Variants in CNTNAP5 observed in about 807,000 individuals in gnomAD.
CNTNAP5 encodes the protein contactin-associated protein-like 5.
In CNTNAP5, 72 loss-of-function variants were observed where a neutral mutation model predicts 150.2. The ratio of observed to expected loss-of-function variants is 0.48; its 90% CI spans 0.40 to 0.58. The LOEUF (loss-of-function observed/expected upper bound fraction) is 0.58, where lower values mean the gene tolerates loss of function less well. CNTNAP5 is among the 20% of genes least tolerant of loss of function. CNTNAP5 has a pLI of 0.00. For synonymous variants in CNTNAP5, 672 were observed against 619.8 expected (o/e 1.08, Z -1.25); for missense variants, 1,636 against 1,626.2 (o/e 1.01, Z -0.10).
chr2:124,265,406 T>C (rs949090247), intron 3 of CNTNAP5, among the ~76,000 whole-genome samples: 5 of 152,122 alleles, frequency 3.3e-5, no homozygotes, highest in Non-Finnish European at 5.9e-5. Flanking sequence ...AATGGGGTCA[T>C]TATCGCCCCT....
At chr2:124,159,765 C>G (rs1400559924) in intron 1 of CNTNAP5, among the ~76,000 whole-genome samples, 1 of 152,080 alleles carries the variant, frequency 6.6e-6, no homozygotes, top group Non-Finnish European at 1.5e-5. Context: ...TGAATACACT[C>G]AATTCTGAAG....
At chr2:124,167,059 G>T (rs866029435) in intron 1 of CNTNAP5, among the ~76,000 whole-genome samples, 3 of 151,668 alleles carry the variant, frequency 2.0e-5, no homozygotes, top group African/African-American at 2.4e-5. Flanking sequence ...TTGTCCTGTC[G>T]TCTTCTCTAA....
intron 13 of CNTNAP5, among the ~76,000 whole-genome samples, chr2:124,736,114 C>A (rs1352793264): frequency 2.0e-5 from 3 of 152,176 alleles, no homozygotes; most frequent in South Asian, 2.1e-4. Context: ...CCTGTAATCC[C>A]AGCTATTCGA....
chr2:124,079,678 A>C (rs530755567), intron 1 of CNTNAP5, among the ~76,000 whole-genome samples: 4 of 152,244 alleles, frequency 2.6e-5, no homozygotes, highest in African/African-American at 9.6e-5. Context: ...CAAAGGAAAA[A>C]ATGTTTATTC....
intron 13 of CNTNAP5, among the ~76,000 whole-genome samples, chr2:124,676,511 C>T (rs994833749): frequency 2.6e-5 from 4 of 152,230 alleles, no homozygotes; most frequent in African/African-American, 9.6e-5. Context: ...AAGATTTCAA[C>T]AAATGCTATG....
chr2:124,444,259 C>T (rs1692749965), intron 5 of CNTNAP5, among the ~76,000 whole-genome samples: 1 of 152,034 alleles, frequency 6.6e-6, no homozygotes, highest in African/African-American at 2.4e-5. Flanking sequence ...GTCTTACCTT[C>T]TAATCCAATT....
At chr2:124,821,437 A>T (rs1682489862) in intron 19 of CNTNAP5, among the ~76,000 whole-genome samples, 3 of 152,270 alleles carry the variant, frequency 2.0e-5, no homozygotes, top group South Asian at 2.1e-4. Context: ...CACTTTCAGA[A>T]TTTCTGATTT....
chr2:124,907,770 T>C (rs1412546331), intron 22 of CNTNAP5, among the ~76,000 whole-genome samples: 1 of 150,746 alleles, frequency 6.6e-6, no homozygotes, highest in African/African-American at 2.4e-5. Context: ...ACCCCAAGGG[T>C]TACTTTGCCG....
At chr2:124,784,173 G>A (rs578230183) in intron 17 of CNTNAP5, among the ~76,000 whole-genome samples, 1 of 152,270 alleles carries the variant, frequency 6.6e-6, no homozygotes, top group Admixed American at 6.5e-5. Context: ...AGGTGGGAGG[G>A]AAGAAGGGAG....
At chr2:124,066,322 C>A (rs766119692) in intron 1 of CNTNAP5, among the ~76,000 whole-genome samples, 1 of 152,144 alleles carries the variant, frequency 6.6e-6, no homozygotes, top group Non-Finnish European at 1.5e-5. Flanking sequence ...TGAAAAAGAT[C>A]ATATTTTCTT....
intron 2 of CNTNAP5, among the ~76,000 whole-genome samples, chr2:124,230,391 A>G (rs1043911281): frequency 6.6e-6 from 1 of 151,832 alleles, no homozygotes; most frequent in Non-Finnish European, 1.5e-5. Flanking sequence ...CAACACTACA[A>G]CGTCTGCTCT....
At chr2:124,621,540 A>G (rs902063816) in intron 12 of CNTNAP5, among the ~76,000 whole-genome samples, 1 of 152,220 alleles carries the variant, frequency 6.6e-6, no homozygotes, top group Non-Finnish European at 1.5e-5. Context: ...TGGAGTAGGT[A>G]GAAAGCTGCA....
At chr2:124,746,244 C>A (rs1003629636) in intron 13 of CNTNAP5, among the ~76,000 whole-genome samples, 2 of 152,172 alleles carry the variant, frequency 1.3e-5, no homozygotes, top group African/African-American at 4.8e-5. Context: ...TTTCATCTGC[C>A]TGTCTTGTTT....
chr2:124,705,769 T>TA (rs564061672), intron 13 of CNTNAP5, among the ~76,000 whole-genome samples: 6,656 of 134,034 alleles, frequency 0.05, 475 homozygotes, highest in African/African-American at 0.16. Flanking sequence ...ATAGGAAAAG[T>TA]AAAAAAAAAA....
chr2:124,262,549 T>A (rs1324727409), intron 3 of CNTNAP5, among the ~76,000 whole-genome samples: 1 of 152,114 alleles, frequency 6.6e-6, no homozygotes, highest in Non-Finnish European at 1.5e-5. Context: ...TACTTCTAAA[T>A]GCTAGTCAGA....
At chr2:124,650,598 C>T (rs1678300932) in intron 13 of CNTNAP5, among the ~76,000 whole-genome samples, 1 of 152,174 alleles carries the variant, frequency 6.6e-6, no homozygotes, top group African/African-American at 2.4e-5. Flanking sequence ...CTCCTCCTTA[C>T]CTATCTAAGA....
chr2:124,245,446 A>G (rs950485808), intron 3 of CNTNAP5, among the ~76,000 whole-genome samples: 2 of 152,256 alleles, frequency 1.3e-5, no homozygotes, highest in East Asian at 3.9e-4. Flanking sequence ...AGACAAGAAC[A>G]ATAGTCAAAC....
intron 3 of CNTNAP5, among the ~76,000 whole-genome samples, chr2:124,396,382 G>A (rs966916981): frequency 4.6e-5 from 7 of 152,184 alleles, no homozygotes; most frequent in African/African-American, 1.4e-4. Context: ...TTGGTGCAGA[G>A]GAGCTGCTGG....
chr2:124,804,548 C>G (rs956905784), intron 19 of CNTNAP5, among the ~76,000 whole-genome samples: 2 of 152,072 alleles, frequency 1.3e-5, no homozygotes, highest in African/African-American at 4.8e-5. Flanking sequence ...ATTATAAGAT[C>G]GGAGCCCTAA....
Sources: allele counts gnomAD v4.1 joint callset (sites outside exome capture counted in the v4.1 genomes callset), GRCh38; gene constraint gnomAD v4.1.1; transcripts MANE v1.5; gene names NCBI Gene and HGNC (gene_info 2026-07-23, HGNC 2026-07-21).